RING1: variants seen among roughly 807,000 people sequenced by gnomAD.
RING1 encodes the protein E3 ubiquitin-protein ligase RING1.
Under a neutral mutation model 35.0 loss-of-function variants are expected in RING1, and 8 were observed. That is an observed-to-expected ratio of 0.23 (90% CI 0.13 to 0.41). The LOEUF is 0.41. Among genes scored for constraint, RING1 ranks in the 10% least tolerant of loss-of-function variants. The pLI, the probability that RING1 is intolerant of heterozygous loss-of-function variation, is 1.00. For missense variants in RING1, 343 were observed against 546.8 expected (o/e 0.63, Z 3.72); for synonymous variants, 214 against 224.3 (o/e 0.95, Z 0.41).
chr6:33,211,346 C>T lies in RING1; in HGVS notation c.644C>T (p.Thr215Ile). ...GGCGCAGGGGGGAGCAGTGTAGGGA[C>T]AGGGGGAGGCGGCACTGGTGGGGTG... ...GGGAGGSSVGTGGGGTGGVGG... is the reference protein window; with the variant it reads ...GGGAGGSSVGIGGGGTGGVGG... The change falls in exon 5 of 7, where the codon ACA becomes ATA. Residue 215 changes from threonine to isoleucine, a missense_variant. Transcript: ENST00000374656. The surrounding 1 kb of genome is among the most constrained non-coding windows in gnomAD (Gnocchi z 6.3). 1 of 1,572,286 alleles carries T rather than the reference C, an allele frequency of 6.4e-7. No homozygotes were observed. Among genetic ancestry groups the T allele is most frequent in the Non-Finnish European group, 8.6e-7 (1 of 1,162,256 alleles).
rs149445528 is a variant in RING1 at position 33,211,285 on chromosome 6, G to A, written c.583G>A (p.Ala195Thr). The A allele has an allele frequency of 6.8e-4, 1,101 of 1,611,236 alleles. 4 individuals carry two copies. In the Middle Eastern group the frequency reaches 0.011, roughly 16 times the overall value. Residue 195 changes from alanine (A) to threonine (T), a missense_variant, in exon 5 of 7, where the codon GCC (alanine) becomes ACC (threonine). Coordinates refer to ENST00000374656, the MANE Select transcript of RING1 (RefSeq NM_002931.4). The surrounding 1 kb of genome is among the most constrained non-coding windows in gnomAD (Gnocchi z 6.3). ...DVSSDSAPDS[A>T]PGPAPKRPRG... ...GAGCTCAGACTCCGCCCCTGACTCT[G>A]CCCCAGGCCCTGCTCCCAAGCGACC...
At chr6:33,210,270 G>T in intron 4 of RING1, 140 bp downstream of exon 4, 1 of 754,012 alleles carries the variant, frequency 1.3e-6, no homozygotes, top group East Asian at 2.7e-5. Flanking sequence ...GGTGTAAATT[G>T]CAGTTTCTTA....
In RING1 at chr6:33,209,149, C is replaced by G. The variant is rs767949273; in HGVS notation, c.78+249C>G. 5.8e-6 allele frequency: 4 copies of G among 692,108 alleles called. No individual in the cohort carries two copies. Among genetic ancestry groups the G allele is most frequent in the Admixed American group, 2.0e-5 (1 of 49,614 alleles). The allele number at this position is 692,108 out of a possible 1,614,324, so 42.9% of individuals were successfully genotyped here. On this transcript the variant is annotated intron_variant, in intron 2 of 6. Transcript: ENST00000374656. This position sits in a 1 kb window ranked among gnomAD's most constrained non-coding sequence, Gnocchi z 5.1. Reference sequence around the variant, plus strand: ...ATCACAAACACAAAAATTACCTTCCCTGTTCCTCATTCAGTGTCATAAGTC... The same window carrying G: ...ATCACAAACACAAAAATTACCTTCCGTGTTCCTCATTCAGTGTCATAAGTC...
At chr6:33,212,219 G>C in intron 6 of RING1, 79 bp from the exon 7 acceptor site, 1 of 1,080,816 alleles carries the variant, frequency 9.3e-7, no homozygotes, top group Non-Finnish European at 1.4e-6. Flanking sequence ...GTCACCTTTT[G>C]CCTCTCATTC....
chr6:33,210,999 T>C (rs1029320616), intron 4 of RING1, among the ~76,000 whole-genome samples, 159 bp from the exon 5 acceptor site: 3 of 152,242 alleles, frequency 2.0e-5, no homozygotes, highest in African/African-American at 7.2e-5. Context: ...GGTAAGGGGA[T>C]TGGTGCAAAA....
rs957770463 is a variant in RING1 at position 33,212,591 on chromosome 6, G to A, written c.*192G>A. ...TATTGTACAGAGTGGGGCAAAACAC[G>A]CCCCCATCTGCTGCCTTTTCTATTG... On this transcript the variant is annotated 3_prime_UTR_variant, in exon 7 of 7. Coordinates refer to ENST00000374656, the MANE Select transcript of RING1 (RefSeq NM_002931.4). 4.1e-6 allele frequency: 2 copies of A among 483,346 alleles called. No homozygotes were observed. Among genetic ancestry groups the A allele is most frequent in the Non-Finnish European group, 7.3e-6 (2 of 273,872 alleles). The allele number at this position is 483,346 out of a possible 1,614,324, so 29.9% of individuals were successfully genotyped here. A position where few individuals can be genotyped will look rare whatever the true frequency, so the allele number is the denominator to read the frequency against.
intron 6 of RING1, 32 bp downstream of exon 6, chr6:33,212,034 G>A (rs1439789936): frequency 3.4e-6 from 5 of 1,461,682 alleles, no homozygotes; most frequent in Admixed American, 2.3e-5. Flanking sequence ...GGTAGAAGAG[G>A]GGAGAGGAGG....
rs1319829746 is a variant in RING1, at chr6:33,209,150, T to A, written c.78+250T>A. 7.2e-6 allele frequency: 5 copies of A among 691,060 alleles called. No individual in the cohort carries two copies. Among genetic ancestry groups the A allele is most frequent in the Non-Finnish European group, 1.1e-5 (4 of 378,218 alleles). The allele number at this position is 691,060 out of a possible 1,614,324, so 42.8% of individuals were successfully genotyped here. Reference sequence around the variant, plus strand: ...TCACAAACACAAAAATTACCTTCCCTGTTCCTCATTCAGTGTCATAAGTCA... The same window carrying A: ...TCACAAACACAAAAATTACCTTCCCAGTTCCTCATTCAGTGTCATAAGTCA... On this transcript the variant is annotated intron_variant, in intron 2 of 6. Transcript: ENST00000374656. The surrounding 1 kb of genome is among the most constrained non-coding windows in gnomAD (Gnocchi z 5.1).
intron 4 of RING1, among the ~76,000 whole-genome samples, chr6:33,210,868 G>C (rs1375809458): frequency 6.6e-6 from 1 of 152,084 alleles, no homozygotes; most frequent in Non-Finnish European, 1.5e-5. Flanking sequence ...TGCTGCTACC[G>C]CACTTTGAGA....
intron 6 of RING1, 131 bp downstream of exon 6, chr6:33,212,133 C>G (rs1279656945): frequency 1.2e-6 from 1 of 846,086 alleles, no homozygotes; most frequent in Non-Finnish European, 1.9e-6. Context: ...TTCTATGTCC[C>G]CTCTCCTTTC....
intron 4 of RING1, among the ~76,000 whole-genome samples, chr6:33,210,552 C>T (rs1775447956): frequency 6.6e-6 from 1 of 151,814 alleles, no homozygotes; most frequent in Non-Finnish European, 1.5e-5. Flanking sequence ...TTGCAGTGAA[C>T]CATGATCACA....
rs779809205 is a variant in RING1 at position 33,211,817 on chromosome 6, G to A, written c.934G>A (p.Glu312Lys). Residue 312 changes from glutamate to lysine, a missense_variant, in exon 6 of 7, where the codon GAA (glutamate) becomes AAA (lysine). Glu to Lys is a moderately conservative substitution (Grantham distance 56). Coordinates refer to ENST00000374656, the MANE Select transcript of RING1 (RefSeq NM_002931.4). The surrounding 1 kb of genome is among the most constrained non-coding windows in gnomAD (Gnocchi z 6.3). The stretch of plus-strand genomic sequence containing the variant: ...TGCCCTCGAGCGGAGGCAACAGCAG[G>A]AAGCAGGGGAGCCAGGAGGGCCTGG... ...RIALERRQQQ[E>K]AGEPGGPGGG... 3.1e-6 allele frequency: 5 copies of A among 1,609,324 alleles called. No individual in the cohort carries two copies. The highest frequency in any genetic ancestry group is 4.2e-6 in the Non-Finnish European group (5 of 1,177,414).
chr6:33,209,455 T>C lies in RING1; in HGVS notation c.79-171T>C. 1.6e-6 allele frequency: 1 copy of C among 640,992 alleles called. No homozygotes were observed. The highest frequency in any genetic ancestry group is 2.7e-6 in the Non-Finnish European group (1 of 373,486). 39.7% of individuals were successfully genotyped at this position (640,992 alleles called of 1,614,324 possible). ...AATGGACACTAAAGTCTGTCTTTTCTCCATTTGCTCCAAGTCATCAGTCCT... is the reference window on the plus strand; with the variant it reads ...AATGGACACTAAAGTCTGTCTTTTCCCCATTTGCTCCAAGTCATCAGTCCT... On this transcript the variant is annotated intron_variant, in intron 2 of 6. Transcript: ENST00000374656. The surrounding 1 kb of genome is among the most constrained non-coding windows in gnomAD (Gnocchi z 5.1).
Position 33,208,729 on chromosome 6 carries a change from C to T in RING1, c.-58-36C>T. ...GGCGGGGTCTACGCGAGGGGCGGCC[C>T]CCCTGACGCCCTCCTCCCCTTCCCC... On this transcript the variant is annotated intron_variant, in intron 1 of 6. Coordinates refer to ENST00000374656, the MANE Select transcript of RING1 (RefSeq NM_002931.4). The surrounding 1 kb of genome is among the most constrained non-coding windows in gnomAD (Gnocchi z 6.2). The T allele has an allele frequency of 9.8e-7, 1 of 1,021,230 alleles. No individual in the cohort carries two copies. The highest frequency in any genetic ancestry group is 2.7e-5 in the East Asian group (1 of 37,028). 63.3% of individuals were successfully genotyped at this position (1,021,230 alleles called of 1,614,324 possible). A position where few individuals can be genotyped will look rare whatever the true frequency, so the allele number is the denominator to read the frequency against.
rs1459085960 is a variant in RING1 at position 33,209,050 on chromosome 6, G to T, written c.78+150G>T. On this transcript the variant is annotated intron_variant, in intron 2 of 6. Transcript: ENST00000374656. The surrounding 1 kb of genome is among the most constrained non-coding windows in gnomAD (Gnocchi z 5.1). ...ACCTTAATCTTTCCAAAGCACTTTC[G>T]CATTTAGCTCATTTAATCCTCAAAA... 4 of 739,712 alleles carry T rather than the reference G, an allele frequency of 5.4e-6. No homozygotes were observed. The highest frequency in any genetic ancestry group is 2.0e-5 in the Admixed American group (1 of 50,014). 45.8% of individuals were successfully genotyped at this position (739,712 alleles called of 1,614,324 possible).
At chr6:33,212,060 C>A in intron 6 of RING1, 58 bp downstream of exon 6, 1 of 1,339,194 alleles carries the variant, frequency 7.5e-7, no homozygotes, top group Non-Finnish European at 1.0e-6. Context: ...TGGTCTGGGC[C>A]ACATAGAACC....
chr6:33,210,904 G>A (rs1346690727), intron 4 of RING1, among the ~76,000 whole-genome samples: 2 of 152,130 alleles, frequency 1.3e-5, no homozygotes, highest in Non-Finnish European at 2.9e-5. Context: ...TCACTAACAA[G>A]TTACTTAACC....
chr6:33,211,016 G>A lies in RING1; in HGVS notation c.456-142G>A. 1 of 903,834 alleles carries A rather than the reference G, an allele frequency of 1.1e-6. No homozygotes were observed. The highest frequency in any genetic ancestry group is 1.7e-5 in the African/African-American group (1 of 60,144). The allele number at this position is 903,834 out of a possible 1,614,324, so 56.0% of individuals were successfully genotyped here. On this transcript the variant is annotated intron_variant, in intron 4 of 6. Transcript: ENST00000374656. This position sits in a 1 kb window ranked among gnomAD's most constrained non-coding sequence, Gnocchi z 6.3. ...TAAGGGGATTGGTGCAAAACACTTAGTATACTGAGTGCTTAGCACATTGTG... is the reference window on the plus strand; with the variant it reads ...TAAGGGGATTGGTGCAAAACACTTAATATACTGAGTGCTTAGCACATTGTG...
rs1309484036 is a variant in RING1, at chr6:33,211,696, C to G, written c.846-33C>G. 1 of 1,534,262 alleles carries G rather than the reference C, an allele frequency of 6.5e-7. No homozygotes were observed. Among genetic ancestry groups the G allele is most frequent in the Non-Finnish European group, 8.8e-7 (1 of 1,142,142 alleles). ...ACCTCCAGTCCTCATCTGAGGCGCT[C>G]TGGCTCTAAGCCTGTCCTCCCTCCC... On this transcript the variant is annotated intron_variant, in intron 5 of 6. Coordinates refer to ENST00000374656, the MANE Select transcript of RING1 (RefSeq NM_002931.4). This position sits in a 1 kb window ranked among gnomAD's most constrained non-coding sequence, Gnocchi z 6.3.
Sources: gnomAD v4.1 joint callset for allele counts (sites outside exome capture counted in the v4.1 genomes callset) on GRCh38, gnomAD v4.1.1 for gene constraint, Gnocchi (gnomAD v3.1) non-coding constraint, MANE v1.5 for transcripts, NCBI Gene and HGNC (gene_info 2026-07-23, HGNC 2026-07-21) for gene names.